Variants in SLC25A25 observed in about 807,000 individuals in gnomAD.
SLC25A25 encodes the protein solute carrier family 25 member 25, also known as mitochondrial adenyl nucleotide antiporter SLC25A25.
A neutral mutation model predicts 57.7 loss-of-function variants in SLC25A25; 32 were observed. The observed-to-expected ratio is 0.55, with a 90% CI of 0.42 to 0.74. SLC25A25 has a LOEUF of 0.74. Ranked by LOEUF, SLC25A25 falls within the 30% of genes least tolerant of loss-of-function variation. SLC25A25 has a pLI of 0.00. For synonymous variants in SLC25A25, 306 were observed against 291.2 expected, an observed-to-expected ratio of 1.05 and a Z score of -0.52; for missense variants, 556 against 701.3, an observed-to-expected ratio of 0.79 and a Z score of 2.34.
At chr9:128,083,065 A>G (rs1194281687) in intron 1 of SLC25A25, among the ~76,000 whole-genome samples, 2 of 151,656 alleles carry the variant, frequency 1.3e-5, no homozygotes, top group Non-Finnish European at 2.9e-5. Flanking sequence ...CATCTCTACT[A>G]AAAAATACAA....
chr9:128,069,285 T>G (rs1476127956), intron 1 of SLC25A25, among the ~76,000 whole-genome samples: 1 of 152,214 alleles, frequency 6.6e-6, no homozygotes, highest in Non-Finnish European at 1.5e-5. Flanking sequence ...GAAATGGTCA[T>G]CCCTGGGCCT....
intron 1 of SLC25A25, among the ~76,000 whole-genome samples, chr9:128,075,982 G>A (rs1009085263): frequency 6.6e-6 from 1 of 152,100 alleles, no homozygotes; most frequent in Non-Finnish European, 1.5e-5. Context: ...GGGCTCAAGC[G>A]ATCCTCTTAT....
chr9:128,101,443 G>T lies in SLC25A25; in HGVS notation c.476+47G>T. 6.3e-7 allele frequency: 1 copy of T among 1,598,466 alleles called. No individual in the cohort carries two copies. Among genetic ancestry groups the T allele is most frequent in the South Asian group, 1.1e-5 (1 of 90,122 alleles). On this transcript the variant is annotated intron_variant, in intron 3 of 10. Coordinates refer to ENST00000373069, the MANE Select transcript of SLC25A25 (RefSeq NM_001330988.2). The surrounding 1 kb of genome is among the most constrained non-coding windows in gnomAD (Gnocchi z 4.9). ...GTGTTTGGTTTAAGTGTGATGAAGG[G>T]AAGGCTCTGAGACTAACCCTCCGAT...
chr9:128,072,139 G>A (rs1037835525), intron 1 of SLC25A25, among the ~76,000 whole-genome samples: 2 of 152,234 alleles, frequency 1.3e-5, no homozygotes, highest in East Asian at 1.9e-4. Context: ...TGTGGGGAAC[G>A]TTTGAAGTCT....
intron 1 of SLC25A25, chr9:128,098,285 G>A (rs932955357): frequency 6.3e-6 from 2 of 316,118 alleles, no homozygotes; most frequent in African/African-American, 4.3e-5. Flanking sequence ...TTCTCCAAGA[G>A]TTAACTGCAG....
intron 1 of SLC25A25, chr9:128,098,936 G>C: frequency 1.0e-6 from 1 of 985,472 alleles, no homozygotes; most frequent in African/African-American, 1.7e-5. Context: ...TGGAATTCCA[G>C]CGAAGGCTGT....
rs189588330 is a variant in SLC25A25, at chr9:128,094,719, G to A, written c.262-6377G>A. Among the ~76,000 whole-genome samples the A allele has an allele frequency of 1.7e-4, 26 of 152,272 alleles. 1 individual carries two copies. In the East Asian group the frequency reaches 4.4e-3, roughly 26 times the overall value. On this transcript the variant is annotated intron_variant, in intron 1 of 10. Coordinates refer to ENST00000373069, the MANE Select transcript of SLC25A25 (RefSeq NM_001330988.2). ...GCCCTGTTCTTATTCATGGTATTCC[G>A]GCCTTTACCTGAAGCACCTGCTTTC...
chr9:128,091,962 G>A (rs747542380), intron 1 of SLC25A25: 1 of 1,613,872 alleles, frequency 6.2e-7, no homozygotes, highest in Non-Finnish European at 8.5e-7. Context: ...GAAGTCAGAG[G>A]CACCCCAGCC....
intron 1 of SLC25A25, among the ~76,000 whole-genome samples, chr9:128,072,598 A>G (rs1328180566): frequency 6.6e-6 from 1 of 152,244 alleles, no homozygotes; most frequent in African/African-American, 2.4e-5. Flanking sequence ...GGACACTCAT[A>G]AAAATTGCTT....
At chr9:128,098,911 A>G (rs1833672224) in intron 1 of SLC25A25, 1 of 985,274 alleles carries the variant, frequency 1.0e-6, no homozygotes, top group African/African-American at 1.7e-5. Flanking sequence ...TTTTCATGTG[A>G]CTTCCCAGGA....
intron 1 of SLC25A25, among the ~76,000 whole-genome samples, chr9:128,081,911 C>T (rs1306903845): frequency 2.7e-5 from 3 of 109,604 alleles, no homozygotes; most frequent in Admixed American, 1.0e-4. Flanking sequence ...AGAGCCAGAC[C>T]CTGTCTCAAA....
At chr9:128,071,659 G>A (rs917822633) in intron 1 of SLC25A25, among the ~76,000 whole-genome samples, 2 of 145,470 alleles carry the variant, frequency 1.4e-5, no homozygotes, top group African/African-American at 5.1e-5. Context: ...TGATCTGCCC[G>A]CCTTGGCCCC....
chr9:128,074,822 G>A (rs1264949276), intron 1 of SLC25A25, among the ~76,000 whole-genome samples: 1 of 151,942 alleles, frequency 6.6e-6, no homozygotes, highest in Non-Finnish European at 1.5e-5. Flanking sequence ...GCAACTTGGT[G>A]AAACCCTGTC....
intron 1 of SLC25A25, among the ~76,000 whole-genome samples, chr9:128,082,841 C>T (rs1833183894): frequency 6.6e-6 from 1 of 151,812 alleles, no homozygotes; most frequent in African/African-American, 2.4e-5. Context: ...CCATGTTGGC[C>T]AGGCTGGTCT....
At chr9:128,068,882 CACCTCCTG>C (rs962146210) in intron 1 of SLC25A25, among the ~76,000 whole-genome samples, 3 of 152,156 alleles carry the variant, frequency 2.0e-5, no homozygotes, top group Admixed American at 2.0e-4. Flanking sequence ...GTGCCTTTGT[CACCTCCTG>C]ACCTCAAGGC....
At chr9:128,071,874 G>A (rs1012620731) in intron 1 of SLC25A25, among the ~76,000 whole-genome samples, 2 of 148,620 alleles carry the variant, frequency 1.3e-5, no homozygotes, top group Admixed American at 6.8e-5. Context: ...ACCATGGCCC[G>A]GCTAATTTTT....
chr9:128,098,738 A>G, intron 1 of SLC25A25: 1 of 1,612,688 alleles, frequency 6.2e-7, no homozygotes, highest in Non-Finnish European at 8.5e-7. Context: ...CTGTGGGGTG[A>G]CCGCGCGGAA....
chr9:128,107,418 A>G lies in SLC25A25; in HGVS notation c.1522A>G (p.Ile508Val), dbSNP rs772346771. The G allele has an allele frequency of 6.6e-7, 1 of 1,507,710 alleles. No homozygotes were observed. The highest frequency in any genetic ancestry group is 1.3e-5 in the South Asian group (1 of 74,218). 93.4% of individuals were successfully genotyped at this position (1,507,710 alleles called of 1,614,324 possible). Residue 508 changes from isoleucine (I) to valine (V), a missense_variant, in exon 11 of 11, where the codon ATC (isoleucine) becomes GTC (valine). Ile to Val is a conservative substitution (Grantham distance 29). Transcript: ENST00000373069. ...ISYVVYENLK[I>V]TLGVQSR ...CTACGTGGTCTACGAGAACCTGAAG[A>G]TCACCCTGGGCGTGCAGTCGCGGTG... is the stretch of plus-strand genomic sequence containing the variant.
intron 1 of SLC25A25, among the ~76,000 whole-genome samples, chr9:128,088,339 T>TC: frequency 6.6e-6 from 1 of 152,194 alleles, no homozygotes; most frequent in East Asian, 1.9e-4. Flanking sequence ...GATGGTTCTT[T>TC]CCCCATGCTC....
Sources: allele counts gnomAD v4.1 joint callset (sites outside exome capture counted in the v4.1 genomes callset), GRCh38; gene constraint gnomAD v4.1.1; non-coding constraint Gnocchi (gnomAD v3.1); transcripts MANE v1.5; gene names NCBI Gene and HGNC (gene_info 2026-07-23, HGNC 2026-07-21).